Variants in TAPT1 observed in about 807,000 individuals in gnomAD.
TAPT1 encodes transmembrane anterior posterior transformation protein 1 homolog.
TAPT1 carries 28 observed loss-of-function variants against 65.6 expected under a neutral mutation model. That is an observed-to-expected ratio of 0.43 (90% CI 0.32 to 0.59). TAPT1 has a LOEUF of 0.59. Ranked by LOEUF, TAPT1 falls within the 20% of genes least tolerant of loss-of-function variation. TAPT1 has a pLI of 0.09. For missense variants in TAPT1, 563 were observed against 679.9 expected, an observed-to-expected ratio of 0.83 and a Z score of 1.91; for synonymous variants, 278 against 245.2, an observed-to-expected ratio of 1.13 and a Z score of -1.25.
In TAPT1 at chr4:16,179,645, C is replaced by T. The variant is rs1369292980; in HGVS notation, c.929G>A (p.Arg310Gln). 9 of 1,532,818 alleles carry T rather than the reference C, an allele frequency of 5.9e-6. No individual in the cohort carries two copies. The South Asian group carries it at 6.2e-5, about 11-fold the overall frequency. 95.0% of individuals were successfully genotyped at this position (1,532,818 alleles called of 1,614,324 possible). The change falls in exon 8 of 14, where the codon CGA (arginine) becomes CAA (glutamine). Residue 310 changes from arginine (R) to glutamine (Q), a missense_variant. By Grantham distance (43) the Arg-to-Gln change is conservative. Coordinates refer to ENST00000405303, the MANE Select transcript of TAPT1 (RefSeq NM_153365.3). Reference sequence around the variant, plus strand: ...CAGTAAAAGCACATAATTTGTGAATCGTTCCTTAATATCTAAAAGAAAAAA... The same window carrying T: ...CAGTAAAAGCACATAATTTGTGAATTGTTCCTTAATATCTAAAAGAAAAAA... Reference protein sequence around the residue: ...FQMSNSDIKERFTNYVLLLIV... With the variant: ...FQMSNSDIKEQFTNYVLLLIV...
At position 16,161,533 on chromosome 4, in the gene TAPT1, C is replaced by T. The variant is rs1747249135; in HGVS notation, c.*1775G>A. Reference sequence around the variant, plus strand: ...TCAGGGTTGTGTTTGGCAAAGCTTTCCCCAAACTATTCCATTCACGGTGGC... The same window carrying T: ...TCAGGGTTGTGTTTGGCAAAGCTTTTCCCAAACTATTCCATTCACGGTGGC... On this transcript the variant is annotated 3_prime_UTR_variant, in exon 14 of 14. Coordinates refer to ENST00000405303, the MANE Select transcript of TAPT1 (RefSeq NM_153365.3). 1 of 152,450 alleles carries T rather than the reference C, an allele frequency of 6.6e-6. No homozygotes were observed. The highest frequency in any genetic ancestry group is 1.5e-5 in the Non-Finnish European group (1 of 68,040). The allele number at this position is 152,450 out of a possible 1,614,324, so 9.4% of individuals were successfully genotyped here.
intron 3 of TAPT1, among the ~76,000 whole-genome samples, chr4:16,201,600 C>G (rs1053222435): frequency 1.3e-5 from 2 of 152,044 alleles, no homozygotes; most frequent in African/African-American, 4.8e-5. Context: ...GAAAGAAAAC[C>G]GTAAAAGCCA....
At chr4:16,199,195 T>C (rs1749892634) in intron 3 of TAPT1, among the ~76,000 whole-genome samples, 2 of 152,214 alleles carry the variant, frequency 1.3e-5, no homozygotes. Context: ...TTTAACTGCA[T>C]TTCATGTTTT....
At position 16,161,326 on chromosome 4, in the gene TAPT1, A is replaced by T. The variant is rs940350987; in HGVS notation, c.*1982T>A. The T allele has an allele frequency of 1.3e-5, 2 of 152,682 alleles. No individual in the cohort carries two copies. Among genetic ancestry groups the T allele is most frequent in the East Asian group, 1.9e-4 (1 of 5,204 alleles). 9.5% of individuals were successfully genotyped at this position (152,682 alleles called of 1,614,324 possible). On this transcript the variant is annotated 3_prime_UTR_variant, in exon 14 of 14. Coordinates refer to ENST00000405303, the MANE Select transcript of TAPT1 (RefSeq NM_153365.3). Reference sequence around the variant, plus strand: ...AGATTACAAAACTGAATTTATTGAGATTCACACAAGATGCACTTATAAAAT... The same window carrying T: ...AGATTACAAAACTGAATTTATTGAGTTTCACACAAGATGCACTTATAAAAT...
chr4:16,165,737 T>A (rs1391602609), intron 13 of TAPT1, among the ~76,000 whole-genome samples: 1 of 152,082 alleles, frequency 6.6e-6, no homozygotes, highest in Admixed American at 6.5e-5. Flanking sequence ...CCTATTCTTC[T>A]CACACTGCAT....
intron 3 of TAPT1, among the ~76,000 whole-genome samples, chr4:16,194,333 A>G (rs1030117623): frequency 4.6e-5 from 7 of 152,188 alleles, no homozygotes; most frequent in Admixed American, 3.9e-4. Context: ...TTATTTAATC[A>G]TCTTGGTTTT....
intron 7 of TAPT1, among the ~76,000 whole-genome samples, chr4:16,185,660 C>T (rs1262749661): frequency 1.3e-5 from 2 of 152,144 alleles, no homozygotes; most frequent in Non-Finnish European, 2.9e-5. Context: ...TTAGCCACTG[C>T]GCCTGGCTGA....
intron 3 of TAPT1, among the ~76,000 whole-genome samples, chr4:16,197,441 CTTTAACT>C (rs1749776169): frequency 1.3e-5 from 2 of 152,296 alleles, no homozygotes; most frequent in African/African-American, 2.4e-5. Context: ...CTACAATCTT[CTTTAACT>C]TTTAACTTAC....
intron 1 of TAPT1, among the ~76,000 whole-genome samples, chr4:16,217,890 A>G (rs565729834): frequency 6.6e-6 from 1 of 152,282 alleles, no homozygotes; most frequent in South Asian, 2.1e-4. Flanking sequence ...AGGTAACCCA[A>G]CGGGTACCTG....
chr4:16,171,661 G>A (rs1273009667), intron 11 of TAPT1, among the ~76,000 whole-genome samples: 1 of 152,178 alleles, frequency 6.6e-6, no homozygotes, highest in African/African-American at 2.4e-5. Flanking sequence ...CTCTCACTAT[G>A]AGAAAAGTGA....
chr4:16,178,344 T>A (rs1428360752), intron 8 of TAPT1, among the ~76,000 whole-genome samples: 1 of 152,236 alleles, frequency 6.6e-6, no homozygotes, highest in Admixed American at 6.5e-5. Flanking sequence ...TCTCTCATTT[T>A]ATATGTTTTT....
chr4:16,164,646 G>C (rs1056099452), intron 13 of TAPT1, among the ~76,000 whole-genome samples: 13 of 152,198 alleles, frequency 8.5e-5, no homozygotes, highest in Admixed American at 6.5e-4. Flanking sequence ...GCCCAGGCTG[G>C]TCTCGAACTC....
chr4:16,196,664 G>A lies in TAPT1; in HGVS notation c.450-5141C>T, dbSNP rs758694667. On this transcript the variant is annotated intron_variant, in intron 3 of 13. Transcript: ENST00000405303. Reference sequence around the variant, plus strand: ...AAAATCAGGGTTTACTCACCACAAGGAGTCCCTGTGCCACCACATTCCATT... The same window carrying A: ...AAAATCAGGGTTTACTCACCACAAGAAGTCCCTGTGCCACCACATTCCATT... The A allele has an allele frequency of 7.8e-6, 10 of 1,287,758 alleles. No individual in the cohort carries two copies. The South Asian group carries it at 1.1e-4, about 14-fold the overall frequency. The allele number at this position is 1,287,758 out of a possible 1,614,324, so 79.8% of individuals were successfully genotyped here.
At chr4:16,188,441 G>T in intron 4 of TAPT1, 86 bp from the exon 5 acceptor site, 5 of 1,127,964 alleles carry the variant, frequency 4.4e-6, no homozygotes, top group Non-Finnish European at 6.1e-6. Context: ...AAATCCTGGA[G>T]ATCTGTGTTT....
At chr4:16,201,572 C>T (rs1750034036) in intron 3 of TAPT1, among the ~76,000 whole-genome samples, 3 of 152,112 alleles carry the variant, frequency 2.0e-5, no homozygotes, top group Non-Finnish European at 4.4e-5. Context: ...TGGAGACACA[C>T]CGGCATAATT....
chr4:16,179,864 T>C (rs1748609580), intron 7 of TAPT1, among the ~76,000 whole-genome samples: 1 of 152,000 alleles, frequency 6.6e-6, no homozygotes, highest in Non-Finnish European at 1.5e-5. Flanking sequence ...AGCCATTGAC[T>C]TCTTTTGCCA....
At chr4:16,223,439 T>G (rs559507426) in intron 1 of TAPT1, among the ~76,000 whole-genome samples, 173 of 152,276 alleles carry the variant, frequency 1.1e-3, no homozygotes, top group African/African-American at 3.6e-3. Flanking sequence ...TGATAACCAC[T>G]ACATCCAGAG....
chr4:16,226,040 G>C, intron 1 of TAPT1: 1 of 1,008,274 alleles, frequency 9.9e-7, no homozygotes, highest in Non-Finnish European at 1.2e-6. Flanking sequence ...TGGCGCGGCC[G>C]CGGGGGCCTC....
At chr4:16,198,444 T>C (rs946584121) in intron 3 of TAPT1, among the ~76,000 whole-genome samples, 2 of 152,170 alleles carry the variant, frequency 1.3e-5, no homozygotes, top group Non-Finnish European at 2.9e-5. Flanking sequence ...CACGTCAGCA[T>C]TGTGATTAAT....
Sources: gnomAD v4.1 joint callset for allele counts (sites outside exome capture counted in the v4.1 genomes callset) on GRCh38, gnomAD v4.1.1 for gene constraint, MANE v1.5 for transcripts, NCBI Gene and HGNC (gene_info 2026-07-23, HGNC 2026-07-21) for gene names.